The following CNTN5 variants were observed in gnomAD, a reference collection of about 807,000 sequenced individuals.
CNTN5 encodes the protein contactin-5.
CNTN5 carries 77 observed loss-of-function variants against 129.1 expected under a neutral mutation model. That is an observed-to-expected ratio of 0.60 (90% CI 0.50 to 0.72). The LOEUF is 0.72. Among genes scored for constraint, CNTN5 ranks in the 30% least tolerant of loss-of-function variants. CNTN5 has a pLI of 0.00. For synonymous variants in CNTN5, 509 were observed against 465.6 expected (o/e 1.09, Z -1.20); for missense variants, 1,478 against 1,328.8 (o/e 1.11, Z -1.75).
chr11:99,889,296 GTGTGTGT>G (rs1948984592), intron 6 of CNTN5, among the ~76,000 whole-genome samples: 1 of 5,652 alleles, frequency 1.8e-4, no homozygotes, highest in Non-Finnish European at 3.5e-4. Flanking sequence ...GAGCAGGTGT[GTGTGTGT>G]GTGTGTGTGT....
intron 1 of CNTN5, among the ~76,000 whole-genome samples, chr11:99,280,326 A>G (rs1175464934): frequency 6.6e-6 from 1 of 151,830 alleles, no homozygotes; most frequent in Non-Finnish European, 1.5e-5. Context: ...TGAGAAATAA[A>G]TGAGGGCTTT....
At chr11:100,224,250 G>C (rs1949326170) in intron 15 of CNTN5, among the ~76,000 whole-genome samples, 1 of 152,078 alleles carries the variant, frequency 6.6e-6, no homozygotes, top group South Asian at 2.1e-4. Flanking sequence ...TAGGAAAAGA[G>C]CTATTCAATA....
intron 6 of CNTN5, among the ~76,000 whole-genome samples, chr11:99,871,084 T>C (rs11221712): frequency 6.6e-6 from 1 of 152,012 alleles, no homozygotes; most frequent in Non-Finnish European, 1.5e-5. Context: ...CCAATCTTAG[T>C]TATTGAATTT....
chr11:99,511,784 C>A (rs1360896840), intron 2 of CNTN5, among the ~76,000 whole-genome samples: 1 of 151,712 alleles, frequency 6.6e-6, no homozygotes, highest in Non-Finnish European at 1.5e-5. Context: ...AACTAACCTG[C>A]ACATTGTGCA....
chr11:99,095,479 G>A (rs1301681309), intron 1 of CNTN5, among the ~76,000 whole-genome samples: 1 of 151,808 alleles, frequency 6.6e-6, no homozygotes, highest in Admixed American at 6.6e-5. Context: ...TCTTTTACCT[G>A]GGGCATGTAT....
At chr11:99,729,034 G>A (rs1943442630) in intron 3 of CNTN5, among the ~76,000 whole-genome samples, 2 of 152,082 alleles carry the variant, frequency 1.3e-5, no homozygotes, top group African/African-American at 4.8e-5. Flanking sequence ...ATGTCCTCTG[G>A]GGTGCTAAGT....
intron 8 of CNTN5, among the ~76,000 whole-genome samples, chr11:99,960,919 C>T (rs544080449): frequency 1.3e-5 from 2 of 152,082 alleles, no homozygotes; most frequent in African/African-American, 4.8e-5. Flanking sequence ...AACAGTAGAA[C>T]AGGCCAGGCA....
intron 18 of CNTN5, among the ~76,000 whole-genome samples, chr11:100,293,794 T>C (rs1440007107): frequency 2.6e-5 from 4 of 151,688 alleles, no homozygotes; most frequent in South Asian, 4.1e-4. Context: ...TCTACCCTAA[T>C]AAGAATAAAA....
chr11:100,280,433 A>T (rs1225205673), intron 18 of CNTN5, among the ~76,000 whole-genome samples: 1 of 151,910 alleles, frequency 6.6e-6, no homozygotes, highest in East Asian at 1.9e-4. Flanking sequence ...TTATATGGTG[A>T]ACTTCTTTAT....
rs187468029 is a variant in CNTN5 at position 99,954,974 on chromosome 11, A to T, written c.674-1832A>T. Among the ~76,000 whole-genome samples, 215 of 152,292 alleles carry T rather than the reference A, an allele frequency of 1.4e-3. 1 individual carries two copies. The highest frequency in any genetic ancestry group is 0.01 in the Middle Eastern group (3 of 294). On this transcript the variant is annotated intron_variant, in intron 7 of 24. Coordinates refer to ENST00000524871, the MANE Select transcript of CNTN5 (RefSeq NM_014361.4). ...GTTTTTCTCCTATTCTAAAAATACA[A>T]AACATTAACTCAACAAATATCATCT...
rs184234098 is a variant in CNTN5 at position 99,421,367 on chromosome 11, C to A, written c.-71+95883C>A. 3.5e-3 allele frequency among the ~76,000 whole-genome samples: 532 copies of A among 152,184 alleles called. 13 individuals are homozygous for A. Among genetic ancestry groups the A allele is most frequent in the Middle Eastern group, 3.4e-3 (1 of 294 alleles). On this transcript the variant is annotated intron_variant, in intron 2 of 24. Coordinates refer to ENST00000524871, the MANE Select transcript of CNTN5 (RefSeq NM_014361.4). Reference sequence around the variant, plus strand: ...GTGCTCTAATTTCACTCTAAAGAGGCTACCCAGAGAACTGGGAAGAAGAAT... The same window carrying A: ...GTGCTCTAATTTCACTCTAAAGAGGATACCCAGAGAACTGGGAAGAAGAAT...
At chr11:99,928,743 C>T (rs1342327175) in intron 7 of CNTN5, among the ~76,000 whole-genome samples, 1 of 152,186 alleles carries the variant, frequency 6.6e-6, no homozygotes, top group African/African-American at 2.4e-5. Flanking sequence ...TTCTCACACG[C>T]TCTGGAGACA....
Position 100,148,894 on chromosome 11 carries a change from C to CA in CNTN5, c.1581-42222dup, listed in dbSNP as rs35869036. ...TAAATATTTTGGCAGCATGAGCTAA[C>CA]AAAAAAAAAAGAATGTTTAATGAAA... is the stretch of plus-strand genomic sequence containing the variant. On this transcript the variant is annotated intron_variant, in intron 13 of 24. Transcript: ENST00000524871. Among the ~76,000 whole-genome samples, 1,183 of 142,786 alleles carry CA rather than the reference C, an allele frequency of 8.3e-3. 3 individuals carry two copies. The highest frequency in any genetic ancestry group is 0.013 in the East Asian group (62 of 4,888). The allele number at this position is 142,786 out of a possible 152,430, so 93.7% of individuals were successfully genotyped here.
intron 18 of CNTN5, among the ~76,000 whole-genome samples, chr11:100,291,775 A>C (rs1950981556): frequency 8.7e-6 from 1 of 114,746 alleles, no homozygotes; most frequent in Non-Finnish European, 2.1e-5. Flanking sequence ...ATAAATAAAT[A>C]AATAAATAAA....
chr11:99,817,250 A>G (rs540627004), intron 3 of CNTN5, among the ~76,000 whole-genome samples: 4 of 152,234 alleles, frequency 2.6e-5, no homozygotes, highest in Non-Finnish European at 5.9e-5. Flanking sequence ...ATCAATTGCC[A>G]CATTTCTAGT....
At chr11:99,237,282 G>A (rs1198474604) in intron 1 of CNTN5, among the ~76,000 whole-genome samples, 2 of 152,114 alleles carry the variant, frequency 1.3e-5, no homozygotes, top group Admixed American at 1.3e-4. Flanking sequence ...CACTGTGTAA[G>A]ATTGATGTTA....
At chr11:100,184,953 T>C (rs1948252407) in intron 13 of CNTN5, among the ~76,000 whole-genome samples, 1 of 151,990 alleles carries the variant, frequency 6.6e-6, no homozygotes, top group South Asian at 2.1e-4. Flanking sequence ...TCATGATTTG[T>C]AGTGAGTTCT....
chr11:99,094,438 C>G (rs976749821), intron 1 of CNTN5, among the ~76,000 whole-genome samples: 1 of 151,926 alleles, frequency 6.6e-6, no homozygotes, highest in Non-Finnish European at 1.5e-5. Context: ...AATGTAATAG[C>G]CCCTTGTGGC....
chr11:99,585,458 C>T lies in CNTN5; in HGVS notation c.55+29189C>T, dbSNP rs377116755. Among the ~76,000 whole-genome samples the T allele has an allele frequency of 1.6e-3, 242 of 152,134 alleles. 2 individuals carry two copies. Among genetic ancestry groups the T allele is most frequent in the African/African-American group, 5.6e-3 (232 of 41,526 alleles). ...ACTTATAACAATGCCACTCTTCTTA[C>T]AGGCTTTACATTTTGTCTTGAAAAA... On this transcript the variant is annotated intron_variant, in intron 3 of 24. Transcript: ENST00000524871.
Sources: allele counts gnomAD v4.1 joint callset (sites outside exome capture counted in the v4.1 genomes callset), GRCh38; gene constraint gnomAD v4.1.1; transcripts MANE v1.5; gene names NCBI Gene and HGNC (gene_info 2026-07-23, HGNC 2026-07-21).